The following CNTN6 variants were observed in gnomAD, a reference collection of about 807,000 sequenced individuals.
CNTN6 encodes contactin-6.
A neutral mutation model predicts 122.8 loss-of-function variants in CNTN6; 137 were observed. The observed-to-expected ratio is 1.12, with a 90% CI of 0.97 to 1.29. CNTN6 has a LOEUF of 1.29. Ranked by LOEUF, CNTN6 falls within the 50% of genes most tolerant of loss-of-function variation. The pLI is 0.00. For synonymous variants in CNTN6, 570 were observed against 426.0 expected (o/e 1.34, Z -4.16); for missense variants, 1,634 against 1,223.4 (o/e 1.34, Z -5.01).
intron 20 of CNTN6, among the ~76,000 whole-genome samples, chr3:1,401,071 T>C (rs1695633220): frequency 6.6e-6 from 1 of 152,094 alleles, no homozygotes; most frequent in Non-Finnish European, 1.5e-5. Context: ...TGTTTGCAAC[T>C]TGAATTTGCC....
intron 2 of CNTN6, among the ~76,000 whole-genome samples, chr3:1,154,670 C>T (rs1414292241): frequency 6.6e-6 from 1 of 151,952 alleles, no homozygotes; most frequent in Non-Finnish European, 1.5e-5. Flanking sequence ...CTCGAACTCC[C>T]GACCTCTGGT....
chr3:1,367,502 A>C (rs1418922095), intron 12 of CNTN6, among the ~76,000 whole-genome samples: 1 of 151,752 alleles, frequency 6.6e-6, no homozygotes, highest in Non-Finnish European at 1.5e-5. Context: ...ATTCTTAATC[A>C]TTTTACCTCT....
rs532406167 is a variant in CNTN6, at chr3:1,388,292, G to A, written c.2704+2495G>A. On this transcript the variant is annotated intron_variant, in intron 20 of 22. Transcript: ENST00000446702. Reference sequence around the variant, plus strand: ...CAGCCTAACTGGGAGGCACCCCCCAGCAGGGGCACACTGACACCTCACACG... The same window carrying A: ...CAGCCTAACTGGGAGGCACCCCCCAACAGGGGCACACTGACACCTCACACG... 1.1e-3 allele frequency among the ~76,000 whole-genome samples: 158 copies of A among 147,990 alleles called. 2 individuals carry two copies. The highest frequency in any genetic ancestry group is 3.4e-3 in the Middle Eastern group (1 of 290).
intron 2 of CNTN6, among the ~76,000 whole-genome samples, chr3:1,217,053 A>G (rs145966483): frequency 6.6e-6 from 1 of 152,198 alleles, no homozygotes; most frequent in East Asian, 1.9e-4. Flanking sequence ...CATATTTTAT[A>G]AACAATATAT....
chr3:1,289,937 G>T (rs1294038515), intron 5 of CNTN6, among the ~76,000 whole-genome samples: 1 of 152,190 alleles, frequency 6.6e-6, no homozygotes, highest in Non-Finnish European at 1.5e-5. Flanking sequence ...GCCTCCCAAA[G>T]TGCTGGGATT....
chr3:1,403,500 C>T lies in CNTN6; in HGVS notation c.*82C>T, dbSNP rs940730453. On this transcript the variant is annotated 3_prime_UTR_variant, in exon 23 of 23. Coordinates refer to ENST00000446702, the MANE Select transcript of CNTN6 (RefSeq NM_001289080.2). ...GCTCTCCAGCCTCTGACACAAGATGCGTTCTTAATACAGACTTGTTTGCAA... is the reference window on the plus strand; with the variant it reads ...GCTCTCCAGCCTCTGACACAAGATGTGTTCTTAATACAGACTTGTTTGCAA... The T allele has an allele frequency of 1.1e-4, 84 of 765,256 alleles. 1 individual carries two copies. Among genetic ancestry groups the T allele is most frequent in the Non-Finnish European group, 1.7e-4 (77 of 462,306 alleles). 47.4% of individuals were successfully genotyped at this position (765,256 alleles called of 1,614,324 possible).
At chr3:1,095,497 C>T (rs1161399852) in intron 1 of CNTN6, among the ~76,000 whole-genome samples, 1 of 151,912 alleles carries the variant, frequency 6.6e-6, no homozygotes, top group Admixed American at 6.6e-5. Flanking sequence ...AAACAGAAAA[C>T]AGAAAACAGA....
chr3:1,266,983 G>GTCTC (rs931084776), intron 4 of CNTN6, among the ~76,000 whole-genome samples: 2 of 131,664 alleles, frequency 1.5e-5, no homozygotes, highest in African/African-American at 6.0e-5. Context: ...TGGAGACAGA[G>GTCTC]TCTCTCTCTG....
intron 4 of CNTN6, among the ~76,000 whole-genome samples, chr3:1,238,033 C>A (rs187243226): frequency 0.014 from 2,052 of 148,736 alleles, 27 homozygotes; most frequent in Middle Eastern, 0.045. Context: ...CAAAAAAAAA[C>A]CACAAGGTAT....
intron 1 of CNTN6, among the ~76,000 whole-genome samples, chr3:1,096,044 T>C (rs780387380): frequency 1.3e-5 from 2 of 152,228 alleles, no homozygotes; most frequent in Non-Finnish European, 2.9e-5. Context: ...ATCTTGAACA[T>C]GTATTTCTTT....
chr3:1,355,589 T>C (rs762338183), intron 12 of CNTN6, among the ~76,000 whole-genome samples: 1 of 151,740 alleles, frequency 6.6e-6, no homozygotes, highest in Non-Finnish European at 1.5e-5. Flanking sequence ...TTAATAGTTG[T>C]GTATATATGT....
intron 4 of CNTN6, among the ~76,000 whole-genome samples, chr3:1,265,775 T>A (rs2094916951): frequency 6.6e-6 from 1 of 152,164 alleles, no homozygotes; most frequent in South Asian, 2.1e-4. Flanking sequence ...GGAGCTCAGA[T>A]GGCCCGTTTT....
At chr3:1,177,677 A>AT (rs1311204345) in intron 2 of CNTN6, among the ~76,000 whole-genome samples, 13 of 151,900 alleles carry the variant, frequency 8.6e-5, no homozygotes, top group Admixed American at 5.9e-4. Context: ...GGGCAGACAG[A>AT]TTTTTTTCTT....
At chr3:1,222,091 C>G (rs2094214775) in intron 3 of CNTN6, among the ~76,000 whole-genome samples, 1 of 152,254 alleles carries the variant, frequency 6.6e-6, no homozygotes, top group Admixed American at 6.5e-5. Flanking sequence ...ACTTCAGTGT[C>G]TTCTTTTTAC....
At chr3:1,355,667 C>G (rs1357290897) in intron 12 of CNTN6, among the ~76,000 whole-genome samples, 1 of 151,580 alleles carries the variant, frequency 6.6e-6, no homozygotes, top group African/African-American at 2.4e-5. Context: ...TTTTGTTTCT[C>G]AAGCCAAAAT....
At chr3:1,145,382 A>G (rs186338773) in intron 1 of CNTN6, among the ~76,000 whole-genome samples, 1 of 152,182 alleles carries the variant, frequency 6.6e-6, no homozygotes, top group Non-Finnish European at 1.5e-5. Flanking sequence ...CCCTGGAGCA[A>G]GAAGGTGGAG....
At chr3:1,279,414 T>A (rs1022435229) in intron 5 of CNTN6, among the ~76,000 whole-genome samples, 1 of 152,182 alleles carries the variant, frequency 6.6e-6, no homozygotes, top group Non-Finnish European at 1.5e-5. Context: ...CAGCAAGGAC[T>A]TACACAGCAC....
At chr3:1,322,494 A>T (rs1700993932) in intron 8 of CNTN6, among the ~76,000 whole-genome samples, 1 of 151,770 alleles carries the variant, frequency 6.6e-6, no homozygotes, top group Non-Finnish European at 1.5e-5. Context: ...GCTGTATACT[A>T]TTAAAAGATC....
rs1346085861 is a variant in CNTN6, at chr3:1,225,696, ATTGTTT to A, written c.183-2119_183-2114del. Reference sequence around the variant, plus strand: ...AAGAAAAGTTTTGAAGGGTTTTATTATTGTTTTTTTTTTTTTTCACTTTTTTCTTAC... The same window carrying A: ...AAGAAAAGTTTTGAAGGGTTTTATTATTTTTTTTTTTCACTTTTTTCTTAC... On this transcript the variant is annotated intron_variant, in intron 3 of 22. Coordinates refer to ENST00000446702, the MANE Select transcript of CNTN6 (RefSeq NM_001289080.2). Among the ~76,000 whole-genome samples the A allele has an allele frequency of 9.1e-4, 128 of 141,110 alleles. No homozygotes were observed. In the Middle Eastern group the frequency reaches 0.011, roughly 12 times the overall value. 92.6% of individuals were successfully genotyped at this position (141,110 alleles called of 152,430 possible). A position where few individuals can be genotyped will look rare whatever the true frequency, so the allele number is the denominator to read the frequency against.
Sources: gnomAD v4.1 joint callset for allele counts (sites outside exome capture counted in the v4.1 genomes callset) on GRCh38, gnomAD v4.1.1 for gene constraint, MANE v1.5 for transcripts, NCBI Gene and HGNC (gene_info 2026-07-23, HGNC 2026-07-21) for gene names.